Variants in HSD17B4 observed in about 807,000 individuals in gnomAD.
HSD17B4 encodes hydroxysteroid 17-beta dehydrogenase 4.
Under a neutral mutation model 101.0 loss-of-function variants are expected in HSD17B4, and 70 were observed. The ratio of observed to expected loss-of-function variants is 0.69; its 90% CI spans 0.57 to 0.85. The LOEUF is 0.85. Ranked by LOEUF, HSD17B4 falls within the 40% of genes least tolerant of loss-of-function variation. HSD17B4 has a pLI of 0.00. For synonymous variants in HSD17B4, 347 were observed against 297.1 expected (o/e 1.17, Z -1.73); for missense variants, 984 against 892.4 (o/e 1.10, Z -1.31).
chr5:119,519,889 GA>G (rs1316820635), intron 17 of HSD17B4, among the ~76,000 whole-genome samples: 2 of 152,106 alleles, frequency 1.3e-5, no homozygotes, highest in East Asian at 3.9e-4. Context: ...ATTTTTAAAA[GA>G]AAAAACTTCT....
intron 13 of HSD17B4, 75 bp downstream of exon 13, chr5:119,499,628 ATATG>A: frequency 1.2e-6 from 1 of 827,512 alleles, no homozygotes; most frequent in South Asian, 1.4e-5. Flanking sequence ...TATCTTATAT[ATATG>A]TGTGTGTAGT....
intron 17 of HSD17B4, among the ~76,000 whole-genome samples, chr5:119,516,918 A>G (rs1752659198): frequency 6.6e-6 from 1 of 152,258 alleles, no homozygotes; most frequent in African/African-American, 2.4e-5. Context: ...AATGACATGT[A>G]GAAGTGAGAG....
chr5:119,466,499 C>T (rs1014043954), intron 2 of HSD17B4, among the ~76,000 whole-genome samples: 5 of 152,026 alleles, frequency 3.3e-5, no homozygotes, highest in African/African-American at 1.2e-4. Flanking sequence ...TGTTATTGAC[C>T]TGTTCAGATT....
In HSD17B4 at chr5:119,499,532, A is replaced by G; in HGVS notation, c.1188A>G (p.Gly396=). The G allele has an allele frequency of 6.2e-7, 1 of 1,611,568 alleles. No homozygotes were observed. The highest frequency in any genetic ancestry group is 8.5e-7 in the Non-Finnish European group (1 of 1,177,782). ...GTGGAGGATTAGCAGAAATTCCTGG[A>G]CTTTCAATCAACTTTGCAAAGGTAT... is the stretch of plus-strand genomic sequence containing the variant. ...MMGGGLAEIP[G]LSINFAKVLH... Residue 396 remains glycine, a synonymous_variant, in exon 13 of 24, where the codon GGA becomes GGG. Coordinates refer to ENST00000510025, the MANE Select transcript of HSD17B4 (RefSeq NM_000414.4).
At chr5:119,510,940 C>T (rs1405025605) in intron 16 of HSD17B4, among the ~76,000 whole-genome samples, 1 of 152,200 alleles carries the variant, frequency 6.6e-6, no homozygotes, top group East Asian at 1.9e-4. Flanking sequence ...ATTTCTCCAT[C>T]CAGCCCCCAC....
At position 119,541,963 on chromosome 5, in the gene HSD17B4, A is replaced by G. The variant is rs766910805; in HGVS notation, c.2180A>G (p.Gln727Arg). Reference sequence around the variant, plus strand: ...AACATCATGCTGAGCCAGAAACTTCAGATGATTCTTAAAGACTACGCCAAG... The same window carrying G: ...AACATCATGCTGAGCCAGAAACTTCGGATGATTCTTAAAGACTACGCCAAG... ...RGNIMLSQKL[Q>R]MILKDYAKL The change falls in exon 24 of 24, where the codon CAG becomes CGG. Residue 727 changes from glutamine to arginine, a missense_variant. Gln to Arg is a conservative substitution (Grantham distance 43, BLOSUM62 1). Transcript: ENST00000510025. 2.5e-6 allele frequency: 4 copies of G among 1,613,042 alleles called. No homozygotes were observed. Among genetic ancestry groups the G allele is most frequent in the Non-Finnish European group, 3.4e-6 (4 of 1,179,254 alleles).
At chr5:119,455,410 G>C (rs531022342) in intron 1 of HSD17B4, among the ~76,000 whole-genome samples, 1 of 152,028 alleles carries the variant, frequency 6.6e-6, no homozygotes, top group Non-Finnish European at 1.5e-5. Flanking sequence ...CCAGCTACTC[G>C]CGAGGCTGAG....
At chr5:119,519,025 G>C (rs1433695157) in intron 17 of HSD17B4, among the ~76,000 whole-genome samples, 3 of 152,138 alleles carry the variant, frequency 2.0e-5, no homozygotes, top group African/African-American at 7.2e-5. Context: ...TATTGTCCCA[G>C]CTACTCAGGA....
chr5:119,525,728 T>TTTTTTTTTTTTTTTTTTTA, intron 18 of HSD17B4, 189 bp from the exon 19 acceptor site: 1 of 576,660 alleles, frequency 1.7e-6, no homozygotes, highest in Non-Finnish European at 3.1e-6. Flanking sequence ...TTTTTTTTCT[T>TTTTTTTTTTTTTTTTTTTA]TCTTTCTTTA....
At chr5:119,535,076 C>T (rs989938666) in intron 22 of HSD17B4, among the ~76,000 whole-genome samples, 2 of 152,006 alleles carry the variant, frequency 1.3e-5, no homozygotes, top group East Asian at 3.9e-4. Context: ...ATCTCATCTT[C>T]TTTACTATTT....
intron 15 of HSD17B4, 28 bp from the exon 16 acceptor site, chr5:119,509,113 T>C: frequency 7.9e-7 from 1 of 1,272,006 alleles, no homozygotes; most frequent in African/African-American, 1.5e-5. Flanking sequence ...GGTAACTTCT[T>C]TTATTTTTTC....
intron 16 of HSD17B4, among the ~76,000 whole-genome samples, chr5:119,509,959 G>A (rs896014471): frequency 6.6e-6 from 1 of 152,194 alleles, no homozygotes; most frequent in African/African-American, 2.4e-5. Context: ...TAAGATTTTA[G>A]GGAGTCAAAA....
intron 2 of HSD17B4, among the ~76,000 whole-genome samples, chr5:119,469,802 T>G (rs1181925637): frequency 6.6e-6 from 1 of 152,254 alleles, no homozygotes; most frequent in Non-Finnish European, 1.5e-5. Flanking sequence ...TAGCTTCTGG[T>G]TGGGCACAGA....
intron 19 of HSD17B4, 49 bp from the exon 20 acceptor site, chr5:119,527,078 CAAGTAA>C (rs1753667764): frequency 9.5e-7 from 1 of 1,054,296 alleles, no homozygotes; most frequent in Non-Finnish European, 1.5e-6. Flanking sequence ...TTTCCTCCTA[CAAGTAA>C]AAGAGTTTCC....
chr5:119,541,882 CTT>C (rs1755023020), intron 23 of HSD17B4, 21 bp from the exon 24 acceptor site: 2 of 1,453,840 alleles, frequency 1.4e-6, no homozygotes, highest in Non-Finnish European at 9.7e-7. Context: ...AGTTGGCACT[CTT>C]TTTCCCTCCT....
At chr5:119,527,025 G>T (rs1162289749) in intron 19 of HSD17B4, 108 bp from the exon 20 acceptor site, 7 of 686,804 alleles carry the variant, frequency 1.0e-5, no homozygotes, top group African/African-American at 3.7e-5. Context: ...TTTAAACCTT[G>T]ATTTTTTTTT....
At chr5:119,470,535 T>G (rs1458639382) in intron 2 of HSD17B4, among the ~76,000 whole-genome samples, 2 of 152,222 alleles carry the variant, frequency 1.3e-5, no homozygotes. Flanking sequence ...TACAGGTATT[T>G]GTGATGGTAA....
chr5:119,515,173 TAAAC>T, intron 17 of HSD17B4, 127 bp downstream of exon 17: 1 of 669,576 alleles, frequency 1.5e-6, no homozygotes. Context: ...TTCAACATAA[TAAAC>T]ATACAGACAT....
chr5:119,507,601 G>C (rs1751772563), intron 15 of HSD17B4, among the ~76,000 whole-genome samples: 1 of 151,750 alleles, frequency 6.6e-6, no homozygotes. Context: ...GGCTAACACG[G>C]TGAAACCCCG....
Sources: gnomAD v4.1 joint callset for allele counts (sites outside exome capture counted in the v4.1 genomes callset) on GRCh38, gnomAD v4.1.1 for gene constraint, MANE v1.5 for transcripts, NCBI Gene and HGNC (gene_info 2026-07-23, HGNC 2026-07-21) for gene names.